The following CLDN10 variants were observed in gnomAD, a reference collection of about 807,000 sequenced individuals.
CLDN10 encodes claudin-10.
Under a neutral mutation model 22.9 loss-of-function variants are expected in CLDN10, and 15 were observed. The observed-to-expected ratio is 0.65, with a 90% CI of 0.44 to 1.01. The LOEUF (loss-of-function observed/expected upper bound fraction) is 1.01. Ranked by LOEUF, CLDN10 falls within the 50% of genes least tolerant of loss-of-function variation. CLDN10 has a pLI of 0.00. For synonymous variants in CLDN10, 114 were observed against 111.4 expected (o/e 1.02, Z -0.15); for missense variants, 247 against 287.8 (o/e 0.86, Z 1.03).
intron 1 of CLDN10, among the ~76,000 whole-genome samples, chr13:95,487,173 C>G (rs2042813396): frequency 6.6e-6 from 1 of 152,212 alleles, no homozygotes; most frequent in African/African-American, 2.4e-5. Flanking sequence ...TAGGAGAACA[C>G]TCTTGTCCAG....
intron 1 of CLDN10, among the ~76,000 whole-genome samples, chr13:95,543,224 T>C (rs1210925366): frequency 1.4e-5 from 2 of 145,646 alleles, no homozygotes; most frequent in Non-Finnish European, 3.0e-5. Context: ...AGAGCGAGAC[T>C]CTGTCTCAAA....
intron 1 of CLDN10, among the ~76,000 whole-genome samples, chr13:95,477,877 G>A (rs2042700818): frequency 6.6e-6 from 1 of 152,140 alleles, no homozygotes; most frequent in East Asian, 1.9e-4. Flanking sequence ...GAAAACGTGT[G>A]GTTCGTTAGG....
chr13:95,475,171 G>C (rs914791359), intron 1 of CLDN10, among the ~76,000 whole-genome samples: 1 of 151,606 alleles, frequency 6.6e-6, no homozygotes, highest in Non-Finnish European at 1.5e-5. Flanking sequence ...AGGATCAGAC[G>C]GCAGCAGCTC....
At chr13:95,490,343 T>C (rs190042477) in intron 1 of CLDN10, among the ~76,000 whole-genome samples, 1 of 152,314 alleles carries the variant, frequency 6.6e-6, no homozygotes, top group Admixed American at 6.5e-5. Flanking sequence ...ATTCTACCCA[T>C]CCATGAGCAT....
intron 1 of CLDN10, among the ~76,000 whole-genome samples, chr13:95,441,939 G>A (rs762330861): frequency 4.6e-5 from 7 of 152,110 alleles, no homozygotes; most frequent in African/African-American, 7.2e-5. Flanking sequence ...TCGCTTGAGC[G>A]CAGAAGTTTG....
intron 1 of CLDN10, among the ~76,000 whole-genome samples, chr13:95,507,888 G>A (rs1013071408): frequency 9.2e-5 from 14 of 152,050 alleles, no homozygotes; most frequent in African/African-American, 3.4e-4. Flanking sequence ...CTCCCAAAGT[G>A]CTGGGATTAC....
chr13:95,539,892 C>T (rs1053542734), intron 1 of CLDN10, among the ~76,000 whole-genome samples: 5 of 152,176 alleles, frequency 3.3e-5, no homozygotes, highest in Non-Finnish European at 5.9e-5. Flanking sequence ...AGGTGGCTCA[C>T]GCCTGTAATA....
chr13:95,449,544 C>T (rs920155140), intron 1 of CLDN10, among the ~76,000 whole-genome samples: 2 of 151,982 alleles, frequency 1.3e-5, no homozygotes, highest in African/African-American at 4.8e-5. Context: ...AGCCACTGTG[C>T]CCTGCCACTC....
rs1382435453 is a variant in CLDN10, at chr13:95,578,423, C to T, written c.*409C>T. 1.3e-5 allele frequency: 2 copies of T among 152,582 alleles called. No homozygotes were observed. Among genetic ancestry groups the T allele is most frequent in the Non-Finnish European group, 2.9e-5 (2 of 68,348 alleles). 9.5% of individuals were successfully genotyped at this position (152,582 alleles called of 1,614,324 possible). On this transcript the variant is annotated 3_prime_UTR_variant, in exon 5 of 5. Coordinates refer to ENST00000299339, the MANE Select transcript of CLDN10 (RefSeq NM_006984.5). ...CAATGTCTTATAAACAGCATGGGGG[C>T]AATCTGAGAATATTCCTCAAAAGGT...
At chr13:95,444,464 G>T (rs147190734) in intron 1 of CLDN10, among the ~76,000 whole-genome samples, 1 of 152,214 alleles carries the variant, frequency 6.6e-6, no homozygotes. Flanking sequence ...GACTCAGGGA[G>T]GAACAGGACA....
chr13:95,502,147 C>T (rs1252950328), intron 1 of CLDN10, among the ~76,000 whole-genome samples: 1 of 151,122 alleles, frequency 6.6e-6, no homozygotes, highest in African/African-American at 2.5e-5. Context: ...CACTTGGAAG[C>T]TTGTTAGATT....
intron 3 of CLDN10, among the ~76,000 whole-genome samples, chr13:95,571,296 G>A: frequency 6.6e-6 from 1 of 152,116 alleles, no homozygotes; most frequent in South Asian, 2.1e-4. Context: ...CAGAAAAGCA[G>A]TTTTTTTGTT....
chr13:95,521,049 C>T (rs2043219689), intron 1 of CLDN10, among the ~76,000 whole-genome samples: 1 of 151,802 alleles, frequency 6.6e-6, no homozygotes, highest in East Asian at 1.9e-4. Context: ...AGCAAACTTG[C>T]TAAACTCTCA....
At chr13:95,539,028 C>T (rs2043431895) in intron 1 of CLDN10, among the ~76,000 whole-genome samples, 1 of 152,072 alleles carries the variant, frequency 6.6e-6, no homozygotes, top group Admixed American at 6.5e-5. Flanking sequence ...TACAGGCACC[C>T]GCCATCATAC....
intron 1 of CLDN10, among the ~76,000 whole-genome samples, chr13:95,530,341 T>A (rs2043327632): frequency 6.6e-6 from 1 of 152,168 alleles, no homozygotes; most frequent in South Asian, 2.1e-4. Context: ...AACCACAACA[T>A]TTGTGAGTGG....
intron 1 of CLDN10, among the ~76,000 whole-genome samples, chr13:95,489,559 C>T (rs2138513137): frequency 6.6e-6 from 1 of 152,104 alleles, no homozygotes; most frequent in South Asian, 2.1e-4. Flanking sequence ...CCTTGGGCCA[C>T]TTTTTGATGG....
intron 1 of CLDN10, among the ~76,000 whole-genome samples, chr13:95,519,156 G>A (rs2148046): frequency 0.86 from 131,481 of 152,224 alleles, 56,974 homozygotes; most frequent in East Asian, 0.96. Context: ...ATTAGAGCTT[G>A]GTGTATTAGT....
chr13:95,481,170 A>G (rs116602329), intron 1 of CLDN10, among the ~76,000 whole-genome samples: 2,644 of 152,288 alleles, frequency 0.017, 78 homozygotes, highest in African/African-American at 0.06. Flanking sequence ...CACTCAGAGC[A>G]TGGCCTAGAT....
chr13:95,537,768 A>G (rs1594596682), intron 1 of CLDN10, among the ~76,000 whole-genome samples: 1 of 152,312 alleles, frequency 6.6e-6, no homozygotes, highest in African/African-American at 2.4e-5. Flanking sequence ...CCTGCCTGGT[A>G]ATTTGCTGGG....
Sources: gnomAD v4.1 joint callset for allele counts (sites outside exome capture counted in the v4.1 genomes callset) on GRCh38, gnomAD v4.1.1 for gene constraint, MANE v1.5 for transcripts, NCBI Gene and HGNC (gene_info 2026-07-23, HGNC 2026-07-21) for gene names.